Variants in DLGAP2 observed in about 807,000 individuals in gnomAD.
DLGAP2 encodes disks large-associated protein 2.
Under a neutral mutation model 100.3 loss-of-function variants are expected in DLGAP2, and 26 were observed. That is an observed-to-expected ratio of 0.26 (90% CI 0.19 to 0.36). The LOEUF is 0.36. Ranked by LOEUF, DLGAP2 falls within the 10% of genes least tolerant of loss-of-function variation. The probability of loss-of-function intolerance (pLI) is 1.00; values close to 1 mark genes in which losing one functional copy is unlikely to be tolerated. For synonymous variants in DLGAP2, 886 were observed against 630.1 expected (o/e 1.41, Z -6.08); for missense variants, 1,858 against 1,453.2 (o/e 1.28, Z -4.53).
intron 12 of DLGAP2, among the ~76,000 whole-genome samples, chr8:1,681,036 GGA>G (rs72227238): frequency 0.028 from 4,296 of 152,072 alleles, 181 homozygotes; most frequent in African/African-American, 0.097. Flanking sequence ...TTGAGGAGGA[GGA>G]GAGAGGAAAA....
intron 3 of DLGAP2, among the ~76,000 whole-genome samples, chr8:1,367,843 T>A (rs1585305370): frequency 6.6e-6 from 1 of 152,208 alleles, no homozygotes; most frequent in African/African-American, 2.4e-5. Context: ...ATTTAGCCTT[T>A]ATCTAGACAT....
intron 6 of DLGAP2, among the ~76,000 whole-genome samples, chr8:1,580,653 A>T (rs1414618335): frequency 7.7e-6 from 1 of 129,578 alleles, no homozygotes; most frequent in Non-Finnish European, 1.7e-5. Flanking sequence ...AGACAGATCA[A>T]CACCAGAAAC....
Position 1,267,627 on chromosome 8 carries a change from TATTAAATA to T in DLGAP2, c.106+8745_106+8752del, listed in dbSNP as rs1563052111. On this transcript the variant is annotated intron_variant, in intron 3 of 14. Coordinates refer to ENST00000637795, the MANE Select transcript of DLGAP2 (RefSeq NM_001346810.2). Reference sequence around the variant, plus strand: ...ATAAGATAAGATAAGATAAGATAAATATTAAATAGGTCTACAAAAAGGCCTCCAGGGTC... The same window carrying T: ...ATAAGATAAGATAAGATAAGATAAATGGTCTACAAAAAGGCCTCCAGGGTC... 4.6e-4 allele frequency among the ~76,000 whole-genome samples: 18 copies of T among 39,404 alleles called. 1 individual carries two copies. Among genetic ancestry groups the T allele is most frequent in the African/African-American group, 3.1e-3 (17 of 5,462 alleles). The allele number at this position is 39,404 out of a possible 152,430, so 25.9% of individuals were successfully genotyped here. A position where few individuals can be genotyped will look rare whatever the true frequency, so the allele number is the denominator to read the frequency against.
intron 6 of DLGAP2, among the ~76,000 whole-genome samples, chr8:1,605,793 G>C (rs142117799): frequency 6.6e-6 from 1 of 152,168 alleles, no homozygotes; most frequent in Non-Finnish European, 1.5e-5. Flanking sequence ...ACTCATTTCC[G>C]TGTTTGTCTG....
At chr8:1,271,527 A>T (rs1333127985) in intron 3 of DLGAP2, among the ~76,000 whole-genome samples, 1 of 152,236 alleles carries the variant, frequency 6.6e-6, no homozygotes, top group Non-Finnish European at 1.5e-5. Context: ...GGCACGAACG[A>T]GATAGTTGTA....
chr8:1,158,383 T>C (rs1796831876), intron 2 of DLGAP2, among the ~76,000 whole-genome samples: 1 of 152,196 alleles, frequency 6.6e-6, no homozygotes, highest in Admixed American at 6.5e-5. Flanking sequence ...CAGTAGACAG[T>C]GTGTGTGAAG....
At chr8:1,197,021 A>C (rs1226485436) in intron 2 of DLGAP2, among the ~76,000 whole-genome samples, 1 of 152,206 alleles carries the variant, frequency 6.6e-6, no homozygotes, top group Non-Finnish European at 1.5e-5. Flanking sequence ...CGGGGTGGGC[A>C]ATGTCTGTGG....
At chr8:1,045,125 C>T (rs1003961494) in intron 2 of DLGAP2, among the ~76,000 whole-genome samples, 2 of 152,198 alleles carry the variant, frequency 1.3e-5, no homozygotes, top group Admixed American at 6.5e-5. Flanking sequence ...AGAGGTTGAA[C>T]GCAGAAACCC....
At chr8:1,261,502 C>A (rs1244852012) in intron 3 of DLGAP2, among the ~76,000 whole-genome samples, 4 of 151,348 alleles carry the variant, frequency 2.6e-5, no homozygotes, top group Admixed American at 2.6e-4. Context: ...AAGAAGACTC[C>A]CCCTGTCCGG....
intron 1 of DLGAP2, among the ~76,000 whole-genome samples, chr8:831,994 A>T (rs1054112190): frequency 7.2e-5 from 11 of 152,092 alleles, no homozygotes; most frequent in African/African-American, 2.4e-4. Flanking sequence ...ATGTTTGTTG[A>T]TTGCATAAAT....
chr8:1,324,982 A>G (rs1454258593), intron 3 of DLGAP2, among the ~76,000 whole-genome samples: 1 of 152,190 alleles, frequency 6.6e-6, no homozygotes, highest in East Asian at 1.9e-4. Flanking sequence ...ACGGATTCAC[A>G]AATATCCGAA....
intron 2 of DLGAP2, among the ~76,000 whole-genome samples, chr8:1,128,246 C>T (rs984543568): frequency 3.3e-5 from 5 of 151,580 alleles, no homozygotes; most frequent in Non-Finnish European, 2.9e-5. Flanking sequence ...GACCTGCTCC[C>T]GGTGTTGTGT....
rs1039642268 is a variant in DLGAP2, at chr8:1,706,233, A to C, written c.*4827A>C. The C allele has an allele frequency of 2.0e-5, 3 of 152,238 alleles. No individual in the cohort carries two copies. The highest frequency in any genetic ancestry group is 7.2e-5 in the African/African-American group (3 of 41,450). The allele number at this position is 152,238 out of a possible 1,614,324, so 9.4% of individuals were successfully genotyped here. A position where few individuals can be genotyped will look rare whatever the true frequency, so the allele number is the denominator to read the frequency against. On this transcript the variant is annotated 3_prime_UTR_variant, in exon 15 of 15. Coordinates refer to ENST00000637795, the MANE Select transcript of DLGAP2 (RefSeq NM_001346810.2). Reference sequence around the variant, plus strand: ...GGCAACCTGGCTTTTATTCATCCTCAGCCGGCAACTCATCTCAAGTTTATG... The same window carrying C: ...GGCAACCTGGCTTTTATTCATCCTCCGCCGGCAACTCATCTCAAGTTTATG...
intron 3 of DLGAP2, among the ~76,000 whole-genome samples, chr8:1,471,803 A>AGCTGGGT (rs1798803258): frequency 1.3e-5 from 2 of 152,152 alleles, no homozygotes; most frequent in Non-Finnish European, 2.9e-5. Context: ...TTGTGGCTAA[A>AGCTGGGT]GCTGGGTGAA....
chr8:1,318,448 C>G (rs1042273309), intron 3 of DLGAP2, among the ~76,000 whole-genome samples: 5 of 150,434 alleles, frequency 3.3e-5, no homozygotes, highest in African/African-American at 4.9e-5. Flanking sequence ...TTCTTCGTAT[C>G]TAGTATATGC....
At chr8:892,147 A>G (rs1475842586) in intron 1 of DLGAP2, among the ~76,000 whole-genome samples, 1 of 152,082 alleles carries the variant, frequency 6.6e-6, no homozygotes, top group African/African-American at 2.4e-5. Flanking sequence ...GTGTATGGAG[A>G]TTCATCAAAA....
In DLGAP2 at chr8:1,701,431, C is replaced by G. The variant is rs376975823; in HGVS notation, c.*25C>G. On this transcript the variant is annotated 3_prime_UTR_variant, in exon 15 of 15. Coordinates refer to ENST00000637795, the MANE Select transcript of DLGAP2 (RefSeq NM_001346810.2). ...AGGGCGGAGGCCGGCGCCTTCCCCT[C>G]GTCGCTTCCGCTTTCCCGGACGCTT... is the stretch of plus-strand genomic sequence containing the variant. The G allele has an allele frequency of 5.8e-6, 9 of 1,554,120 alleles. No homozygotes were observed. In the African/African-American group the frequency reaches 8.2e-5, roughly 14 times the overall value.
At chr8:1,315,628 A>C (rs1346533990) in intron 3 of DLGAP2, among the ~76,000 whole-genome samples, 2 of 137,580 alleles carry the variant, frequency 1.5e-5, no homozygotes, top group Non-Finnish European at 3.2e-5. Flanking sequence ...GGCAGCTTTT[A>C]AAAATAGAGC....
At chr8:1,267,498 G>A (rs1799480324) in intron 3 of DLGAP2, among the ~76,000 whole-genome samples, 1 of 149,854 alleles carries the variant, frequency 6.7e-6, no homozygotes, top group African/African-American at 2.5e-5. Flanking sequence ...GGTGGAGGTT[G>A]CAGTGAGCTG....
Sources: gnomAD v4.1 joint callset for allele counts (sites outside exome capture counted in the v4.1 genomes callset) on GRCh38, gnomAD v4.1.1 for gene constraint, MANE v1.5 for transcripts, NCBI Gene and HGNC (gene_info 2026-07-23, HGNC 2026-07-21) for gene names.